Variants in UTP14C observed in about 807,000 individuals in gnomAD.
UTP14C encodes U3 small nucleolar RNA-associated protein 14 homolog C.
In UTP14C, 10 loss-of-function variants were observed where a neutral mutation model predicts 14.6. The ratio of observed to expected loss-of-function variants is 0.68; its 90% CI spans 0.42 to 1.16. The LOEUF (loss-of-function observed/expected upper bound fraction) is 1.16. UTP14C is among the 50% of genes most tolerant of loss of function. The pLI, the probability that UTP14C is intolerant of heterozygous loss-of-function variation, is 0.00. For missense variants in UTP14C, 818 were observed against 890.8 expected (o/e 0.92, Z 1.04); for synonymous variants, 315 against 331.6 (o/e 0.95, Z 0.54).
chr13:52,030,692 T>C lies in UTP14C; in HGVS notation c.1888T>C (p.Trp630Arg), dbSNP rs1310345003. Residue 630 changes from tryptophan to arginine, a missense_variant, in exon 2 of 2, where the codon TGG (tryptophan) becomes CGG (arginine). Trp to Arg is a moderately radical substitution (Grantham distance 101, BLOSUM62 -3). Transcript: ENST00000521776. ...PKDVDLTLPG[W>R]GEWGGVGLKP... Reference sequence around the variant, plus strand: ...GGACGTGGACCTGACACTACCTGGCTGGGGCGAGTGGGGTGGTGTGGGCCT... The same window carrying C: ...GGACGTGGACCTGACACTACCTGGCCGGGGCGAGTGGGGTGGTGTGGGCCT... The C allele has an allele frequency of 2.5e-6, 4 of 1,614,080 alleles. No homozygotes were observed. In the East Asian group the frequency reaches 8.9e-5, roughly 36 times the overall value.
chr13:52,030,849 A>C lies in UTP14C; in HGVS notation c.2045A>C (p.Gln682Pro), dbSNP rs772344954. The C allele has an allele frequency of 2.5e-6, 4 of 1,614,214 alleles. No individual in the cohort carries two copies. The highest frequency in any genetic ancestry group is 3.4e-6 in the Non-Finnish European group (4 of 1,180,048). The change falls in exon 2 of 2, where the codon CAA becomes CCA. Residue 682 changes from glutamine (Q) to proline (P), a missense_variant. Gln to Pro is a moderately conservative substitution (Grantham distance 76). Coordinates refer to ENST00000521776, the MANE Select transcript of UTP14C (RefSeq NM_021645.6). ...ATCCACGCAGCAGCTCATCAGGTAC[A>C]AGTGCTTCCATATCCATTTACCCAC... ...RNIHAAAHQV[Q>P]VLPYPFTHHR...
At position 52,030,585 on chromosome 13, in the gene UTP14C, T is replaced by C. The variant is rs1412979352; in HGVS notation, c.1781T>C (p.Ile594Thr). ...GAGGAGAGAGACCAAAGGCAGATGA[T>C]AAAGGAAGCTTTTGCTGGGGATGAT... ...DEEERDQRQM[I>T]KEAFAGDDVI... The change falls in exon 2 of 2, where the codon ATA becomes ACA. Residue 594 changes from isoleucine (I) to threonine (T), a missense_variant. By Grantham distance (89) the Ile-to-Thr change is moderately conservative (BLOSUM62 -1). Transcript: ENST00000521776. 5 of 1,614,154 alleles carry C rather than the reference T, an allele frequency of 3.1e-6. No individual in the cohort carries two copies. Among genetic ancestry groups the C allele is most frequent in the Non-Finnish European group, 4.2e-6 (5 of 1,180,036 alleles).
At position 52,028,372 on chromosome 13, in the gene UTP14C, G is replaced by T. The variant is rs1954262267; in HGVS notation, c.-433G>T. 6.2e-7 allele frequency: 1 copy of T among 1,614,050 alleles called. No individual in the cohort carries two copies. The highest frequency in any genetic ancestry group is 8.5e-7 in the Non-Finnish European group (1 of 1,180,016). On this transcript the variant is annotated 5_prime_UTR_variant, in exon 2 of 2. Transcript: ENST00000521776. ...AATTATCCTTGCACACAATTCGGGG[G>T]GCCCAAAGCTTGACATTGTGGTTCC...
intron 1 of UTP14C, among the ~76,000 whole-genome samples, chr13:52,026,923 G>A (rs1954246942): frequency 6.6e-6 from 1 of 152,174 alleles, no homozygotes; most frequent in Non-Finnish European, 1.5e-5. Context: ...AGAGTGAAAA[G>A]AGGCTCTCAG....
chr13:52,024,742 A>C lies in UTP14C; in HGVS notation c.-682A>C. On this transcript the variant is annotated 5_prime_UTR_variant, in exon 1 of 2. Coordinates refer to ENST00000521776, the MANE Select transcript of UTP14C (RefSeq NM_021645.6). Reference sequence around the variant, plus strand: ...GATGGTTGAGTCACCTCCTTCGCTTAAACTTGTCCTCATTGGAGGTTGTCG... The same window carrying C: ...GATGGTTGAGTCACCTCCTTCGCTTCAACTTGTCCTCATTGGAGGTTGTCG... 1.2e-6 allele frequency: 2 copies of C among 1,614,244 alleles called. No homozygotes were observed. Among genetic ancestry groups the C allele is most frequent in the South Asian group, 1.1e-5 (1 of 91,084 alleles).
Position 52,030,896 on chromosome 13 carries a change from A to T in UTP14C, c.2092A>T (p.Ile698Phe). 6.2e-7 allele frequency: 1 copy of T among 1,614,204 alleles called. No homozygotes were observed. Among genetic ancestry groups the T allele is most frequent in the Non-Finnish European group, 8.5e-7 (1 of 1,180,032 alleles). Reference protein sequence around the residue: ...FTHHRQFERTIQTPIGSTWNT... With the variant: ...FTHHRQFERTFQTPIGSTWNT... ...CCACCATCGGCAATTTGAAAGGACC[A>T]TCCAGACCCCTATAGGATCCACATG... Residue 698 changes from isoleucine (I) to phenylalanine (F), a missense_variant, in exon 2 of 2, where the codon ATC becomes TTC. Physicochemically the swap from Ile to Phe is conservative, Grantham distance 21 (BLOSUM62 0). Transcript: ENST00000521776.
At position 52,033,305 on chromosome 13, in the gene UTP14C, ATTC is replaced by A. The variant is rs374454127; in HGVS notation, c.*2203_*2205del. 1.1e-4 allele frequency: 19 copies of A among 167,176 alleles called. No homozygotes were observed. In the East Asian group the frequency reaches 3.5e-3, roughly 31 times the overall value. 10.4% of individuals were successfully genotyped at this position (167,176 alleles called of 1,614,324 possible). A position where few individuals can be genotyped will look rare whatever the true frequency, so the allele number is the denominator to read the frequency against. ...TGAACCCACAGCAGTGGAGATTTGT[ATTC>A]TTATTTACAGTTGTGTACTATAAAG... On this transcript the variant is annotated 3_prime_UTR_variant, in exon 2 of 2. Transcript: ENST00000521776.
chr13:52,030,704 G>T lies in UTP14C; in HGVS notation c.1900G>T (p.Gly634Cys). The T allele has an allele frequency of 6.2e-7, 1 of 1,614,206 alleles. No homozygotes were observed. Among genetic ancestry groups the T allele is most frequent in the Non-Finnish European group, 8.5e-7 (1 of 1,180,038 alleles). ...DLTLPGWGEW[G>C]GVGLKPSAKK... ...GACACTACCTGGCTGGGGCGAGTGG[G>T]GTGGTGTGGGCCTAAAGCCCAGTGC... Residue 634 changes from glycine (G) to cysteine (C), a missense_variant, in exon 2 of 2, where the codon GGT becomes TGT. Transcript: ENST00000521776.
chr13:52,033,441 A>T lies in UTP14C; in HGVS notation c.*2336A>T, dbSNP rs1403222575. ...GATACAAAGTCTGTGTCTAAATATT[A>T]TTTAAAGAAGTGATTTTTCATTCTC... On this transcript the variant is annotated 3_prime_UTR_variant, in exon 2 of 2. Coordinates refer to ENST00000521776, the MANE Select transcript of UTP14C (RefSeq NM_021645.6). 1 of 167,094 alleles carries T rather than the reference A, an allele frequency of 6.0e-6. No homozygotes were observed. Among genetic ancestry groups the T allele is most frequent in the Non-Finnish European group, 1.5e-5 (1 of 68,110 alleles). The allele number at this position is 167,094 out of a possible 1,614,324, so 10.4% of individuals were successfully genotyped here. A position where few individuals can be genotyped will look rare whatever the true frequency, so the allele number is the denominator to read the frequency against.
rs2140848065 is a variant in UTP14C, at chr13:52,028,813, G to A, written c.9G>A (p.Val3=). 6.2e-7 allele frequency: 1 copy of A among 1,614,246 alleles called. No individual in the cohort carries two copies. Among genetic ancestry groups the A allele is most frequent in the East Asian group, 2.2e-5 (1 of 44,882 alleles). The change falls in exon 2 of 2, where the codon GTG becomes GTA. Residue 3 remains valine, a synonymous_variant. Coordinates refer to ENST00000521776, the MANE Select transcript of UTP14C (RefSeq NM_021645.6). ...AGAGGCTGGCTGCTGAGATGAATGT[G>A]AACCAGGTTGCAGAGAATCTGGCTT... MN[V]NQVAENLALS... is the part of the protein sequence containing the mutation.
Position 52,032,095 on chromosome 13 carries a change from A to C in UTP14C, c.*990A>C, listed in dbSNP as rs539648299. On this transcript the variant is annotated 3_prime_UTR_variant, in exon 2 of 2. Transcript: ENST00000521776. ...AAATTAGCTGGGCCTGGTGGCAGGC[A>C]CCTGTAATCCCAGCTACTTGGGAGA... 6.5e-6 allele frequency: 1 copy of C among 152,826 alleles called. No homozygotes were observed. Among genetic ancestry groups the C allele is most frequent in the Non-Finnish European group, 1.5e-5 (1 of 68,080 alleles). The allele number at this position is 152,826 out of a possible 1,614,324, so 9.5% of individuals were successfully genotyped here. A position where few individuals can be genotyped will look rare whatever the true frequency, so the allele number is the denominator to read the frequency against.
In UTP14C at chr13:52,033,475, T is replaced by G. The variant is rs1417657766; in HGVS notation, c.*2370T>G. 1 of 167,144 alleles carries G rather than the reference T, an allele frequency of 6.0e-6. No homozygotes were observed. The highest frequency in any genetic ancestry group is 1.5e-5 in the Non-Finnish European group (1 of 68,130). 10.4% of individuals were successfully genotyped at this position (167,144 alleles called of 1,614,324 possible). Reference sequence around the variant, plus strand: ...AGTGATTTTTCATTCTCTTGGATTCTTTCCAGTGTGGTGCCTTTTATATGC... The same window carrying G: ...AGTGATTTTTCATTCTCTTGGATTCGTTCCAGTGTGGTGCCTTTTATATGC... On this transcript the variant is annotated 3_prime_UTR_variant, in exon 2 of 2. Transcript: ENST00000521776.
Position 52,031,358 on chromosome 13 carries a change from A to C in UTP14C, c.*253A>C. The stretch of plus-strand genomic sequence containing the variant: ...GTGGATGACCCTTTTGAATATACCT[A>C]ATGATTTCCTTAAAAAAGAAATTTT... On this transcript the variant is annotated 3_prime_UTR_variant, in exon 2 of 2. Transcript: ENST00000521776. 2.0e-6 allele frequency: 1 copy of C among 508,848 alleles called. No homozygotes were observed. Among genetic ancestry groups the C allele is most frequent in the Non-Finnish European group, 3.4e-6 (1 of 293,028 alleles). The allele number at this position is 508,848 out of a possible 1,614,324, so 31.5% of individuals were successfully genotyped here.
In UTP14C at chr13:52,028,725, AAAGG is replaced by A. The variant is rs1454847520; in HGVS notation, c.-76_-73del. ...ACAGACAAAATTTCCTTTTAGAATAAAAGGAAGTGTTGAAAAGAAAATGGATGAC... is the reference window on the plus strand; with the variant it reads ...ACAGACAAAATTTCCTTTTAGAATAAAAGTGTTGAAAAGAAAATGGATGAC... On this transcript the variant is annotated 5_prime_UTR_variant, in exon 2 of 2. Transcript: ENST00000521776. The A allele has an allele frequency of 6.3e-7, 1 of 1,599,452 alleles. No individual in the cohort carries two copies. The highest frequency in any genetic ancestry group is 2.2e-5 in the East Asian group (1 of 44,624).
Position 52,024,757 on chromosome 13 carries a change from G to A in UTP14C, c.-667G>A. 6.2e-7 allele frequency: 1 copy of A among 1,614,224 alleles called. No homozygotes were observed. The highest frequency in any genetic ancestry group is 8.5e-7 in the Non-Finnish European group (1 of 1,180,038). On this transcript the variant is annotated 5_prime_UTR_variant, in exon 1 of 2. Coordinates refer to ENST00000521776, the MANE Select transcript of UTP14C (RefSeq NM_021645.6). Reference sequence around the variant, plus strand: ...TCCTTCGCTTAAACTTGTCCTCATTGGAGGTTGTCGTAACAAAGATGATGA... The same window carrying A: ...TCCTTCGCTTAAACTTGTCCTCATTAGAGGTTGTCGTAACAAAGATGATGA...
In UTP14C at chr13:52,029,279, C is replaced by A; in HGVS notation, c.475C>A (p.Pro159Thr). The A allele has an allele frequency of 6.2e-7, 1 of 1,614,160 alleles. No individual in the cohort carries two copies. The highest frequency in any genetic ancestry group is 8.5e-7 in the Non-Finnish European group (1 of 1,180,042). ...CCAGCAGGCAGAGCAGCTGGTTTTT[C>A]CCCTGGGGAAGGAGCAGCCAGCCAT... ...KNQQAEQLVF[P>T]LGKEQPAIAP... The change falls in exon 2 of 2, where the codon CCC (proline) becomes ACC (threonine). Residue 159 changes from proline (P) to threonine (T), a missense_variant. Physicochemically the swap from Pro to Thr is conservative, Grantham distance 38. Coordinates refer to ENST00000521776, the MANE Select transcript of UTP14C (RefSeq NM_021645.6).
chr13:52,025,061 A>G, intron 1 of UTP14C, 124 bp downstream of exon 1: 2 of 1,111,240 alleles, frequency 1.8e-6, no homozygotes, highest in Non-Finnish European at 2.7e-6. Flanking sequence ...CATCCACCAA[A>G]TGTGCTTTCC....
chr13:52,025,480 T>C (rs1954231897), intron 1 of UTP14C, among the ~76,000 whole-genome samples: 1 of 152,244 alleles, frequency 6.6e-6, no homozygotes, highest in Non-Finnish European at 1.5e-5. Context: ...TAAGTGATTC[T>C]GTTATGCATC....
rs148269361 is a variant in UTP14C, at chr13:52,030,112, G to T, written c.1308G>T (p.Gln436His). ...QSLRKRSELN[Q>H]DAEPASSQET... ...TTAGAAAAAGATCTGAGCTCAACCA[G>T]GATGCTGAGCCAGCAAGCAGTCAAG... The change falls in exon 2 of 2, where the codon CAG (glutamine) becomes CAT (histidine). Residue 436 changes from glutamine to histidine, a missense_variant. Gln to His is a conservative substitution (Grantham distance 24, BLOSUM62 0). Coordinates refer to ENST00000521776, the MANE Select transcript of UTP14C (RefSeq NM_021645.6). 3.1e-6 allele frequency: 5 copies of T among 1,614,106 alleles called. No homozygotes were observed. In the Admixed American group the frequency reaches 8.3e-5, roughly 27 times the overall value.
Sources: gnomAD v4.1 joint callset for allele counts (sites outside exome capture counted in the v4.1 genomes callset) on GRCh38, gnomAD v4.1.1 for gene constraint, MANE v1.5 for transcripts, NCBI Gene and HGNC (gene_info 2026-07-23, HGNC 2026-07-21) for gene names.